Variants in ERG observed in about 807,000 individuals in gnomAD.
ERG encodes the protein transcriptional regulator ERG.
A neutral mutation model predicts 55.3 loss-of-function variants in ERG; 9 were observed. That is an observed-to-expected ratio of 0.16 (90% CI 0.10 to 0.28). ERG has a LOEUF of 0.28. Ranked by LOEUF, ERG falls within the 10% of genes least tolerant of loss-of-function variation. ERG has a pLI of 1.00. For synonymous variants in ERG, 223 were observed against 237.3 expected (o/e 0.94, Z 0.55); for missense variants, 434 against 631.6 (o/e 0.69, Z 3.35).
chr21:38,525,536 C>T (rs2059623926), intron 2 of ERG, among the ~76,000 whole-genome samples: 1 of 152,172 alleles, frequency 6.6e-6, no homozygotes, highest in Non-Finnish European at 1.5e-5. Flanking sequence ...ACACTTCTTC[C>T]ACTCTCTCAG....
chr21:38,396,402 A>T (rs1191519731), intron 6 of ERG, among the ~76,000 whole-genome samples: 2 of 152,242 alleles, frequency 1.3e-5, no homozygotes, highest in East Asian at 3.8e-4. Flanking sequence ...TAACTGAGAG[A>T]TGCTATGCAG....
intron 3 of ERG, among the ~76,000 whole-genome samples, chr21:38,414,229 C>A (rs1989183698): frequency 6.6e-6 from 1 of 152,218 alleles, no homozygotes; most frequent in South Asian, 2.1e-4. Flanking sequence ...GTTTCCATAT[C>A]ATCTTCCCTC....
intron 1 of ERG, among the ~76,000 whole-genome samples, chr21:38,459,912 A>T (rs2059025314): frequency 6.6e-6 from 1 of 152,234 alleles, no homozygotes; most frequent in Admixed American, 6.5e-5. Context: ...CCAATAATTG[A>T]TAGGGTAAAT....
intron 1 of ERG, among the ~76,000 whole-genome samples, chr21:38,609,641 CCAT>C (rs1269799515): frequency 6.6e-6 from 1 of 152,192 alleles, no homozygotes. Context: ...TAGAATAACA[CCAT>C]ATGTGCAAAA....
chr21:38,495,956 C>G (rs1466625573), intron 1 of ERG, among the ~76,000 whole-genome samples: 1 of 152,212 alleles, frequency 6.6e-6, no homozygotes, highest in African/African-American at 2.4e-5. Context: ...TGTCTGCAAA[C>G]CATCAGCTTT....
intron 1 of ERG, among the ~76,000 whole-genome samples, chr21:38,476,673 C>T (rs1037070711): frequency 1.3e-5 from 2 of 152,278 alleles, no homozygotes; most frequent in East Asian, 1.9e-4. Flanking sequence ...TCTGTCCAAC[C>T]GTTATAAACA....
At chr21:38,473,857 C>T (rs895187202) in intron 1 of ERG, among the ~76,000 whole-genome samples, 2 of 151,244 alleles carry the variant, frequency 1.3e-5, no homozygotes, top group Non-Finnish European at 2.9e-5. Context: ...TACATGTTTG[C>T]GTATGTATGC....
At chr21:38,448,862 A>T (rs562924000) in intron 1 of ERG, among the ~76,000 whole-genome samples, 3 of 152,252 alleles carry the variant, frequency 2.0e-5, no homozygotes, top group African/African-American at 7.2e-5. Flanking sequence ...TAGGATTAAA[A>T]CCAGAAAAAG....
At chr21:38,518,473 A>G (rs1487539830) in intron 2 of ERG, among the ~76,000 whole-genome samples, 1 of 152,166 alleles carries the variant, frequency 6.6e-6, no homozygotes, top group East Asian at 1.9e-4. Flanking sequence ...ATATATGGAC[A>G]CACTTGATTT....
chr21:38,459,107 G>C (rs907768502), intron 1 of ERG, among the ~76,000 whole-genome samples: 7 of 151,786 alleles, frequency 4.6e-5, no homozygotes, highest in African/African-American at 1.7e-4. Flanking sequence ...CACTCTCCTG[G>C]GCCACTTCTC....
intron 5 of ERG, 86 bp from the exon 6 acceptor site, chr21:38,400,731 A>G (rs2146449132): frequency 1.9e-6 from 2 of 1,045,504 alleles, no homozygotes; most frequent in East Asian, 2.4e-5. Flanking sequence ...ACTTTTCCCT[A>G]TGACAACAAA....
intron 1 of ERG, among the ~76,000 whole-genome samples, chr21:38,459,164 A>G (rs2059017710): frequency 6.6e-6 from 1 of 152,180 alleles, no homozygotes; most frequent in Non-Finnish European, 1.5e-5. Flanking sequence ...AGCCACTCCA[A>G]TGGCCTCAGC....
intron 1 of ERG, among the ~76,000 whole-genome samples, chr21:38,634,581 A>C (rs913130711): frequency 6.6e-6 from 1 of 152,208 alleles, no homozygotes; most frequent in Admixed American, 6.5e-5. Flanking sequence ...AAGTGGAGAG[A>C]ACATCTGTAT....
intron 2 of ERG, among the ~76,000 whole-genome samples, chr21:38,437,288 A>ACTTCGACACTAGTGCCACT (rs566216871): frequency 1.5e-3 from 230 of 149,772 alleles, no homozygotes; most frequent in South Asian, 0.012. Context: ...GCATTTGTCA[A>ACTTCGACACTAGTGCCACT]CTTCGACACT....
At chr21:38,430,039 G>A (rs1343321491) in intron 2 of ERG, among the ~76,000 whole-genome samples, 3 of 152,050 alleles carry the variant, frequency 2.0e-5, no homozygotes, top group Non-Finnish European at 2.9e-5. Context: ...CCCATTGGCA[G>A]TGTAAAAGTG....
chr21:38,606,871 T>A (rs1250405970), intron 1 of ERG, among the ~76,000 whole-genome samples: 1 of 152,130 alleles, frequency 6.6e-6, no homozygotes, highest in East Asian at 1.9e-4. Context: ...ATAAAAATTA[T>A]TCAGAAGATA....
chr21:38,621,602 C>T (rs948406991), intron 1 of ERG, among the ~76,000 whole-genome samples: 2 of 152,164 alleles, frequency 1.3e-5, no homozygotes, highest in African/African-American at 4.8e-5. Flanking sequence ...CAAGTGGTTG[C>T]TGTTACAAAT....
upstream of ERG, among the ~76,000 whole-genome samples, chr21:38,587,166 G>T (rs1160576245): frequency 1.3e-5 from 2 of 152,060 alleles, no homozygotes. Context: ...ATAATCAGGG[G>T]AGAAAACTAA....
rs533919369 is a variant in ERG at position 38,382,282 on chromosome 21, G to A, written c.*1121C>T. 33 of 1,052,998 alleles carry A rather than the reference G, an allele frequency of 3.1e-5. No homozygotes were observed. In the African/African-American group the frequency reaches 3.6e-4, roughly 12 times the overall value. The allele number at this position is 1,052,998 out of a possible 1,614,324, so 65.2% of individuals were successfully genotyped here. A position where few individuals can be genotyped will look rare whatever the true frequency, so the allele number is the denominator to read the frequency against. On this transcript the variant is annotated 3_prime_UTR_variant, in exon 10 of 10. Transcript: ENST00000288319. Reference sequence around the variant, plus strand: ...TACTTCATTCTGACAAACGCACAGCGTTCGCGACTCAAAGGAAAACTGGAG... The same window carrying A: ...TACTTCATTCTGACAAACGCACAGCATTCGCGACTCAAAGGAAAACTGGAG...
Sources: gnomAD v4.1 joint callset for allele counts (sites outside exome capture counted in the v4.1 genomes callset) on GRCh38, gnomAD v4.1.1 for gene constraint, MANE v1.5 for transcripts, NCBI Gene and HGNC (gene_info 2026-07-23, HGNC 2026-07-21) for gene names.